Variants in MND1 observed in about 807,000 individuals in gnomAD.
MND1 encodes meiotic nuclear division protein 1 homolog.
A neutral mutation model predicts 35.1 loss-of-function variants in MND1; 28 were observed. That is an observed-to-expected ratio of 0.80 (90% CI 0.59 to 1.09). The LOEUF (loss-of-function observed/expected upper bound fraction) is 1.09. MND1 is among the 50% of genes least tolerant of loss of function. The pLI is 0.00. For synonymous variants in MND1, 69 were observed against 70.5 expected (o/e 0.98, Z 0.11); for missense variants, 213 against 239.6 (o/e 0.89, Z 0.73).
intron 7 of MND1, among the ~76,000 whole-genome samples, chr4:153,413,028 A>G (rs1729732914): frequency 6.6e-6 from 1 of 151,960 alleles, no homozygotes; most frequent in Non-Finnish European, 1.5e-5. Flanking sequence ...GATGGTCTCG[A>G]TCTCTTGACC....
chr4:153,390,545 A>G, intron 4 of MND1, among the ~76,000 whole-genome samples: 1 of 152,106 alleles, frequency 6.6e-6, no homozygotes, highest in East Asian at 1.9e-4. Flanking sequence ...CTTAATTAAT[A>G]TAGTTAAGGT....
intron 4 of MND1, chr4:153,361,439 GATGTT>G: frequency 4.4e-6 from 2 of 456,010 alleles, no homozygotes; most frequent in South Asian, 3.1e-5. Context: ...TTCAGTCTTT[GATGTT>G]ATGTTTTGAT....
intron 1 of MND1, among the ~76,000 whole-genome samples, chr4:153,345,020 G>T (rs1773038087): frequency 6.6e-6 from 1 of 152,220 alleles, no homozygotes; most frequent in South Asian, 2.1e-4. Flanking sequence ...CCCAGGGCCC[G>T]TTCGGGCGGG....
chr4:153,367,597 A>G (rs974708612), intron 4 of MND1, among the ~76,000 whole-genome samples: 12 of 152,328 alleles, frequency 7.9e-5, no homozygotes, highest in Admixed American at 2.6e-4. Context: ...GTTGATGGGC[A>G]TGTGAGTTTT....
At chr4:153,391,562 C>G (rs544617871) in intron 4 of MND1, among the ~76,000 whole-genome samples, 36 of 151,600 alleles carry the variant, frequency 2.4e-4, no homozygotes, top group African/African-American at 8.5e-4. Context: ...CCCATCTCTA[C>G]TAAAAATACA....
chr4:153,377,573 A>G (rs575700725), intron 4 of MND1, among the ~76,000 whole-genome samples: 9 of 152,228 alleles, frequency 5.9e-5, no homozygotes, highest in African/African-American at 1.2e-4. Context: ...TCAACAAATC[A>G]TTGCAATATG....
intron 4 of MND1, among the ~76,000 whole-genome samples, chr4:153,383,048 A>G (rs1315396252): frequency 1.3e-5 from 2 of 151,822 alleles, no homozygotes; most frequent in Non-Finnish European, 2.9e-5. Context: ...TTTAGCATCT[A>G]TGTAGATCTG....
intron 4 of MND1, among the ~76,000 whole-genome samples, chr4:153,393,340 T>A (rs554028543): frequency 6.6e-6 from 1 of 151,936 alleles, no homozygotes; most frequent in Non-Finnish European, 1.5e-5. Flanking sequence ...ATAAAAGATT[T>A]TTTTGGATTT....
chr4:153,362,034 T>TA (rs1392097596), intron 4 of MND1, among the ~76,000 whole-genome samples: 1 of 152,222 alleles, frequency 6.6e-6, no homozygotes, highest in Non-Finnish European at 1.5e-5. Flanking sequence ...CTCTTTCACT[T>TA]ACAGTTCTTT....
chr4:153,401,359 A>T lies in MND1; in HGVS notation c.466+4026A>T, dbSNP rs183035597. ...ATGGAGTATGTTTTGGTGGGAGGAG[A>T]GGTTGCTGAGCCAGAAAAATATCTA... On this transcript the variant is annotated intron_variant, in intron 6 of 7. Transcript: ENST00000240488. 3.1e-4 allele frequency among the ~76,000 whole-genome samples: 47 copies of T among 152,260 alleles called. 1 individual carries two copies. Among genetic ancestry groups the T allele is most frequent in the East Asian group, 2.9e-3 (15 of 5,186 alleles).
Position 153,376,277 on chromosome 4 carries a change from G to A in MND1, c.276+17655G>A, listed in dbSNP as rs558635970. On this transcript the variant is annotated intron_variant, in intron 4 of 7. Transcript: ENST00000240488. ...TGGTAATGATTTAGTCACTGTGTGT[G>A]TGGATGTGTGTTTGTGGGTGTGTGC... Among the ~76,000 whole-genome samples the A allele has an allele frequency of 1.5e-4, 23 of 152,290 alleles. 1 individual carries two copies. Among genetic ancestry groups the A allele is most frequent in the African/African-American group, 5.5e-4 (23 of 41,568 alleles).
intron 4 of MND1, among the ~76,000 whole-genome samples, chr4:153,386,881 TAAGAC>T (rs369235431): frequency 5.5e-4 from 83 of 152,188 alleles, no homozygotes; most frequent in African/African-American, 1.8e-3. Flanking sequence ...AGCAAAGAAA[TAAGAC>T]AAGAAGGATG....
chr4:153,372,721 G>A (rs1176124145), intron 4 of MND1, among the ~76,000 whole-genome samples: 1 of 152,106 alleles, frequency 6.6e-6, no homozygotes, highest in Non-Finnish European at 1.5e-5. Flanking sequence ...GCCGTAGTGT[G>A]TACTTTCCCC....
intron 4 of MND1, among the ~76,000 whole-genome samples, chr4:153,386,829 A>T (rs1009515616): frequency 6.6e-6 from 1 of 152,212 alleles, no homozygotes; most frequent in Non-Finnish European, 1.5e-5. Context: ...AATCCCCTAC[A>T]TGTTTTTAAT....
Position 153,352,178 on chromosome 4 carries a change from A to G in MND1, c.69+2049A>G, listed in dbSNP as rs1160085693. Among the ~76,000 whole-genome samples, 4 of 152,326 alleles carry G rather than the reference A, an allele frequency of 2.6e-5. No individual in the cohort carries two copies. In the East Asian group the frequency reaches 7.7e-4, roughly 29 times the overall value. On this transcript the variant is annotated intron_variant, in intron 2 of 7. Transcript: ENST00000240488. The stretch of plus-strand genomic sequence containing the variant: ...TACTTCAGCAAACACTTAAATGAGT[A>G]GCTTTCCATTGGCACACAGATCTCT...
At chr4:153,362,944 A>G (rs1392008287) in intron 4 of MND1, 1 of 931,144 alleles carries the variant, frequency 1.1e-6, no homozygotes. Flanking sequence ...TTTAGTATGC[A>G]TGTCTATACA....
intron 4 of MND1, among the ~76,000 whole-genome samples, chr4:153,384,274 T>G (rs1288367317): frequency 7.1e-6 from 1 of 140,632 alleles, no homozygotes; most frequent in African/African-American, 2.6e-5. Flanking sequence ...TTTTTTTTTT[T>G]TTTTTTTTTT....
At chr4:153,391,227 G>A (rs908259369) in intron 4 of MND1, among the ~76,000 whole-genome samples, 1 of 151,570 alleles carries the variant, frequency 6.6e-6, no homozygotes, top group African/African-American at 2.4e-5. Context: ...ACAGTGGTGC[G>A]GTCTCAACTC....
At chr4:153,355,596 A>C in intron 2 of MND1, 58 bp from the exon 3 acceptor site, 1 of 1,128,304 alleles carries the variant, frequency 8.9e-7, no homozygotes, top group Non-Finnish European at 1.3e-6. Flanking sequence ...AAAAATGAAA[A>C]TATACATAGT....
Sources: gnomAD v4.1 joint callset for allele counts (sites outside exome capture counted in the v4.1 genomes callset) on GRCh38, gnomAD v4.1.1 for gene constraint, MANE v1.5 for transcripts, NCBI Gene and HGNC (gene_info 2026-07-23, HGNC 2026-07-21) for gene names.